Variants in CCDC88A observed in about 807,000 individuals in gnomAD.
CCDC88A encodes girdin.
Under a neutral mutation model 234.3 loss-of-function variants are expected in CCDC88A, and 54 were observed. The observed-to-expected ratio is 0.23, with a 90% CI of 0.19 to 0.29. The LOEUF is 0.29. Ranked by LOEUF, CCDC88A falls within the 10% of genes least tolerant of loss-of-function variation. The probability of loss-of-function intolerance (pLI) is 1.00; values close to 1 mark genes in which losing one functional copy is unlikely to be tolerated. For missense variants in CCDC88A, 1,832 were observed against 2,123.4 expected (o/e 0.86, Z 2.70); for synonymous variants, 753 against 737.8 (o/e 1.02, Z -0.33).
intron 18 of CCDC88A, 89 bp downstream of exon 18, chr2:55,322,439 A>T (rs957069570): frequency 5.2e-6 from 4 of 762,130 alleles, no homozygotes; most frequent in Non-Finnish European, 8.1e-6. Context: ...CAATTGTTTA[A>T]ATATTAGAAA....
At chr2:55,372,977 T>C (rs1022676354) in intron 4 of CCDC88A, among the ~76,000 whole-genome samples, 1 of 152,194 alleles carries the variant, frequency 6.6e-6, no homozygotes, top group Non-Finnish European at 1.5e-5. Flanking sequence ...GGTTTTCCAC[T>C]GTGCAAGTTC....
intron 9 of CCDC88A, among the ~76,000 whole-genome samples, chr2:55,347,001 C>A (rs1669205012): frequency 6.6e-6 from 1 of 151,966 alleles, no homozygotes; most frequent in South Asian, 2.1e-4. Context: ...TATGTAACAA[C>A]CATTTGCAAT....
intron 28 of CCDC88A, 92 bp downstream of exon 28, chr2:55,301,114 G>A: frequency 2.7e-6 from 2 of 733,306 alleles, no homozygotes; most frequent in Non-Finnish European, 4.7e-6. Context: ...CATGCTTGCT[G>A]GCAATGACGC....
At position 55,401,641 on chromosome 2, in the gene CCDC88A, G is replaced by T. The variant is rs934151093; in HGVS notation, c.165-12755C>A. Among the ~76,000 whole-genome samples the T allele has an allele frequency of 3.3e-5, 5 of 150,162 alleles. No homozygotes were observed. In the East Asian group the frequency reaches 9.7e-4, roughly 29 times the overall value. On this transcript the variant is annotated intron_variant, in intron 2 of 32. Coordinates refer to ENST00000436346, the MANE Select transcript of CCDC88A (RefSeq NM_001365480.1). Reference sequence around the variant, plus strand: ...TAATATAAGCTTTTACCTATCTACAGAATATTTTCACATATATTAACTATC... The same window carrying T: ...TAATATAAGCTTTTACCTATCTACATAATATTTTCACATATATTAACTATC...
At chr2:55,418,569 G>A (rs1681843377) in intron 2 of CCDC88A, 2 of 522,304 alleles carry the variant, frequency 3.8e-6, no homozygotes, top group Non-Finnish European at 6.8e-6. Flanking sequence ...CAGTACTGAA[G>A]ACAAGTGACA....
chr2:55,345,044 T>C (rs988731639), intron 10 of CCDC88A, among the ~76,000 whole-genome samples: 1 of 152,196 alleles, frequency 6.6e-6, no homozygotes, highest in East Asian at 1.9e-4. Flanking sequence ...TGCATATGTT[T>C]TGAAGACAAG....
intron 3 of CCDC88A, among the ~76,000 whole-genome samples, chr2:55,381,373 C>G (rs562576913): frequency 6.6e-6 from 1 of 151,894 alleles, no homozygotes; most frequent in African/African-American, 2.4e-5. Context: ...CATGGCAAAA[C>G]CCTGTCTCAA....
intron 23 of CCDC88A, among the ~76,000 whole-genome samples, chr2:55,310,419 A>T (rs957608840): frequency 6.6e-6 from 1 of 152,072 alleles, no homozygotes; most frequent in Non-Finnish European, 1.5e-5. Flanking sequence ...CTGTTTTTAC[A>T]AAAAATACAA....
At chr2:55,349,367 A>C in intron 9 of CCDC88A, 151 bp downstream of exon 9, 1 of 603,184 alleles carries the variant, frequency 1.7e-6, no homozygotes, top group Non-Finnish European at 2.9e-6. Flanking sequence ...TTTTGAAGAG[A>C]GAGACTCTGA....
intron 12 of CCDC88A, 49 bp from the exon 13 acceptor site, chr2:55,339,697 C>A: frequency 6.7e-7 from 1 of 1,498,374 alleles, no homozygotes; most frequent in East Asian, 2.3e-5. Flanking sequence ...ACTGTTTTTA[C>A]TATGTTTACT....
chr2:55,415,545 G>T (rs1044850145), intron 2 of CCDC88A, among the ~76,000 whole-genome samples: 1 of 152,166 alleles, frequency 6.6e-6, no homozygotes, highest in African/African-American at 2.4e-5. Context: ...CAGGAAGAGG[G>T]GAATCCAGGC....
At chr2:55,376,950 C>T (rs560080477) in intron 3 of CCDC88A, among the ~76,000 whole-genome samples, 5 of 152,224 alleles carry the variant, frequency 3.3e-5, no homozygotes, top group East Asian at 1.9e-4. Flanking sequence ...TCTGCCTCAG[C>T]GTCCCGAGTA....
intron 17 of CCDC88A, among the ~76,000 whole-genome samples, chr2:55,325,868 C>A (rs1684197847): frequency 6.6e-6 from 1 of 152,086 alleles, no homozygotes; most frequent in African/African-American, 2.4e-5. Flanking sequence ...TATAATTATG[C>A]AATGAACTAC....
chr2:55,384,287 T>C (rs1381394978), intron 3 of CCDC88A, among the ~76,000 whole-genome samples: 3 of 146,690 alleles, frequency 2.0e-5, no homozygotes, highest in Admixed American at 7.0e-5. Context: ...ATTGCACCAC[T>C]GCACTCCAGC....
chr2:55,392,642 T>A (rs1160050163), intron 2 of CCDC88A, among the ~76,000 whole-genome samples: 14 of 152,256 alleles, frequency 9.2e-5, no homozygotes, highest in Admixed American at 9.2e-4. Flanking sequence ...ATGCTATCAT[T>A]TTTTGTTTAC....
intron 25 of CCDC88A, among the ~76,000 whole-genome samples, chr2:55,305,879 T>G (rs10196295): frequency 0.084 from 12,763 of 151,914 alleles, 1,241 homozygotes; most frequent in African/African-American, 0.24. Flanking sequence ...AAAACTTCCT[T>G]TAAAAAAAAA....
Position 55,334,506 on chromosome 2 carries a change from A to G in CCDC88A, c.2315T>C (p.Leu772Ser), listed in dbSNP as rs1685263856. The G allele has an allele frequency of 6.2e-7, 1 of 1,608,854 alleles. No individual in the cohort carries two copies. Among genetic ancestry groups the G allele is most frequent in the Non-Finnish European group, 8.5e-7 (1 of 1,178,844 alleles). The change falls in exon 15 of 33, where the codon TTA becomes TCA. Residue 772 changes from leucine to serine, a missense_variant. This residue lies in a region of CCDC88A where 1,282 missense variants were observed against 1,543.6 expected (regional missense o/e 0.83). Coordinates refer to ENST00000436346, the MANE Select transcript of CCDC88A (RefSeq NM_001365480.1). The surrounding 1 kb of genome is among the most constrained non-coding windows in gnomAD (Gnocchi z 6.1). The stretch of plus-strand genomic sequence containing the variant: ...CTGGATTTTTTTATTGCTGTTCTCT[A>G]AAGTTTTTTGCAGTCTTTGATTTTC... ...DIENQRLQKT[L>S]ENSNKKIQQL...
rs1025325819 is a variant in CCDC88A at position 55,355,426 on chromosome 2, A to T, written c.800+153T>A. 1.5e-5 allele frequency: 10 copies of T among 650,146 alleles called. No homozygotes were observed. The African/African-American group carries it at 1.7e-4, about 11-fold the overall frequency. 40.3% of individuals were successfully genotyped at this position (650,146 alleles called of 1,614,324 possible). A position where few individuals can be genotyped will look rare whatever the true frequency, so the allele number is the denominator to read the frequency against. On this transcript the variant is annotated intron_variant, in intron 8 of 32. Coordinates refer to ENST00000436346, the MANE Select transcript of CCDC88A (RefSeq NM_001365480.1). The stretch of plus-strand genomic sequence containing the variant: ...ATCCTTTAAACTGTTAAGATTTAAC[A>T]ATAGGAAAACCTTATGCCAACCTCC...
chr2:55,317,098 T>C lies in CCDC88A; in HGVS notation c.3746+108A>G, dbSNP rs1683082424. ...GGTACTACAAAGGGGCAGTATATAG[T>C]TTGGATGTAAGAAATAATACATAAT... On this transcript the variant is annotated intron_variant, in intron 21 of 32. Coordinates refer to ENST00000436346, the MANE Select transcript of CCDC88A (RefSeq NM_001365480.1). The surrounding 1 kb of genome is among the most constrained non-coding windows in gnomAD (Gnocchi z 4.2). 2.6e-6 allele frequency: 1 copy of C among 381,490 alleles called. No individual in the cohort carries two copies. The highest frequency in any genetic ancestry group is 4.3e-6 in the Non-Finnish European group (1 of 234,248). The allele number at this position is 381,490 out of a possible 1,614,324, so 23.6% of individuals were successfully genotyped here. A position where few individuals can be genotyped will look rare whatever the true frequency, so the allele number is the denominator to read the frequency against.
Sources: gnomAD v4.1 joint callset for allele counts (sites outside exome capture counted in the v4.1 genomes callset) on GRCh38, gnomAD v4.1.1 for gene constraint, gnomAD v4.1.1 regional missense constraint, Gnocchi (gnomAD v3.1) non-coding constraint, MANE v1.5 for transcripts, NCBI Gene and HGNC (gene_info 2026-07-23, HGNC 2026-07-21) for gene names.